The following NEK11 variants were observed in gnomAD, a reference collection of about 807,000 sequenced individuals.
The protein encoded by NEK11 is serine/threonine-protein kinase Nek11.
NEK11 carries 72 observed loss-of-function variants against 80.7 expected under a neutral mutation model. The ratio of observed to expected loss-of-function variants is 0.89; its 90% CI spans 0.74 to 1.08. NEK11 has a LOEUF of 1.08. NEK11 is among the 50% of genes least tolerant of loss of function. The pLI is 0.00. For missense variants in NEK11, 764 were observed against 763.6 expected, an observed-to-expected ratio of 1.00 and a Z score of -0.01; for synonymous variants, 251 against 260.7, an observed-to-expected ratio of 0.96 and a Z score of 0.36.
chr3:131,304,684 T>C (rs1425534593), intron 17 of NEK11, among the ~76,000 whole-genome samples: 1 of 152,176 alleles, frequency 6.6e-6, no homozygotes, highest in Non-Finnish European at 1.5e-5. Flanking sequence ...CTCTAGAGGC[T>C]GGTACCAGTG....
intron 17 of NEK11, among the ~76,000 whole-genome samples, chr3:131,291,608 G>T (rs2096544222): frequency 1.3e-5 from 2 of 152,130 alleles, no homozygotes; most frequent in South Asian, 4.1e-4. Flanking sequence ...ATCCTTGTCA[G>T]CATTTGGTGT....
intron 4 of NEK11, among the ~76,000 whole-genome samples, chr3:131,105,330 A>G (rs2079021710): frequency 6.6e-6 from 1 of 152,228 alleles, no homozygotes; most frequent in South Asian, 2.1e-4. Context: ...TTCCCTTCAT[A>G]GTGTTTTTGA....
chr3:131,287,126 T>C (rs1417303557), intron 17 of NEK11, among the ~76,000 whole-genome samples: 2 of 152,194 alleles, frequency 1.3e-5, no homozygotes, highest in Non-Finnish European at 1.5e-5. Context: ...GGTAATCTCA[T>C]AGGAGCAGGC....
At chr3:131,031,763 G>A (rs1472388856) in intron 3 of NEK11, among the ~76,000 whole-genome samples, 1 of 152,086 alleles carries the variant, frequency 6.6e-6, no homozygotes, top group East Asian at 1.9e-4. Flanking sequence ...TGGAGCTGAA[G>A]ATGGCAGACA....
intron 14 of NEK11, 116 bp from the exon 15 acceptor site, chr3:131,228,412 C>A: frequency 2.4e-6 from 2 of 822,808 alleles, no homozygotes; most frequent in Non-Finnish European, 1.8e-6. Flanking sequence ...GCTCTACACT[C>A]CATGGAAGCT....
chr3:131,212,726 A>G (rs1016767169), intron 14 of NEK11, among the ~76,000 whole-genome samples: 5 of 152,202 alleles, frequency 3.3e-5, no homozygotes, highest in South Asian at 4.1e-4. Context: ...TGCATGGAAG[A>G]TCTGAGTTCT....
chr3:131,205,799 C>T (rs1312420801), intron 14 of NEK11, among the ~76,000 whole-genome samples: 1 of 152,178 alleles, frequency 6.6e-6, no homozygotes, highest in Non-Finnish European at 1.5e-5. Context: ...AAATTCTCAT[C>T]TCAAGAGTCT....
chr3:131,207,274 G>C (rs1264142264), intron 14 of NEK11, among the ~76,000 whole-genome samples: 2 of 152,132 alleles, frequency 1.3e-5, no homozygotes, highest in African/African-American at 2.4e-5. Context: ...CTAGTTTACA[G>C]TCCCACCAAC....
intron 17 of NEK11, 148 bp downstream of exon 17, chr3:131,273,722 C>T (rs1169663209): frequency 1.7e-5 from 10 of 589,354 alleles, no homozygotes; most frequent in Non-Finnish European, 3.0e-5. Context: ...TTAGAAACTT[C>T]TCTCTAAAAT....
chr3:131,183,587 C>A (rs999641448), intron 14 of NEK11, among the ~76,000 whole-genome samples: 1 of 152,220 alleles, frequency 6.6e-6, no homozygotes, highest in African/African-American at 2.4e-5. Context: ...CTTCCAGCTC[C>A]ATCTATGTCC....
chr3:131,174,904 T>G (rs2092919905), intron 14 of NEK11: 1 of 1,469,972 alleles, frequency 6.8e-7, no homozygotes, highest in Non-Finnish European at 9.0e-7. Context: ...AGGCCTTGGC[T>G]GCTTACCCAC....
chr3:131,158,326 G>T (rs2091038861), intron 10 of NEK11, among the ~76,000 whole-genome samples: 1 of 152,106 alleles, frequency 6.6e-6, no homozygotes, highest in Non-Finnish European at 1.5e-5. Context: ...TATATACATG[G>T]GCAGATTTTG....
Position 131,243,509 on chromosome 3 carries a change from C to A in NEK11, c.1621+13C>A. On this transcript the variant is annotated intron_variant, in intron 16 of 17. Transcript: ENST00000383366. ...TGCACTTCTCTAGGTGAGTAAGTTC[C>A]TTTAGGCTTCAAAATACATTGACAG... The A allele has an allele frequency of 6.2e-7, 1 of 1,607,068 alleles. No individual in the cohort carries two copies. Among genetic ancestry groups the A allele is most frequent in the Non-Finnish European group, 8.5e-7 (1 of 1,174,618 alleles).
chr3:131,307,193 T>C (rs1197485126), intron 17 of NEK11, among the ~76,000 whole-genome samples: 2 of 152,178 alleles, frequency 1.3e-5, no homozygotes, highest in Non-Finnish European at 2.9e-5. Flanking sequence ...AAAAATAGCC[T>C]CCCAAGTTAT....
intron 14 of NEK11, among the ~76,000 whole-genome samples, chr3:131,227,052 GA>G (rs112443901): frequency 0.019 from 2,777 of 145,860 alleles, 73 homozygotes; most frequent in African/African-American, 0.061. Flanking sequence ...GAACTGATGT[GA>G]AAAAAAAAAA....
intron 17 of NEK11, among the ~76,000 whole-genome samples, chr3:131,332,809 G>A (rs911367605): frequency 4.3e-4 from 66 of 152,302 alleles, no homozygotes; most frequent in South Asian, 1.0e-3. Flanking sequence ...CTCGAGAACT[G>A]CGTGAAGAAT....
At chr3:131,034,213 A>G (rs1470217202) in intron 3 of NEK11, among the ~76,000 whole-genome samples, 1 of 152,236 alleles carries the variant, frequency 6.6e-6, no homozygotes, top group Non-Finnish European at 1.5e-5. Flanking sequence ...AAAATACATG[A>G]TTAAACTTGT....
chr3:131,134,376 T>A (rs906902011), intron 7 of NEK11: 1 of 152,636 alleles, frequency 6.6e-6, no homozygotes, highest in African/African-American at 2.4e-5. Flanking sequence ...TTAAGAATTT[T>A]ACTAAAGATA....
intron 16 of NEK11, among the ~76,000 whole-genome samples, chr3:131,260,099 G>T (rs1225051588): frequency 6.6e-6 from 1 of 152,104 alleles, no homozygotes; most frequent in Non-Finnish European, 1.5e-5. Context: ...TAAGTCATGG[G>T]GCTGTCATCT....
Sources: gnomAD v4.1 joint callset for allele counts (sites outside exome capture counted in the v4.1 genomes callset) on GRCh38, gnomAD v4.1.1 for gene constraint, MANE v1.5 for transcripts, NCBI Gene and HGNC (gene_info 2026-07-23, HGNC 2026-07-21) for gene names.